The following RBFOX3 variants were observed in gnomAD, a reference collection of about 807,000 sequenced individuals.
The protein encoded by RBFOX3 is RNA binding protein fox-1 homolog 3.
RBFOX3 carries 17 observed loss-of-function variants against 48.7 expected under a neutral mutation model. The observed-to-expected ratio is 0.35, with a 90% CI of 0.24 to 0.52. RBFOX3 has a LOEUF of 0.52. Ranked by LOEUF, RBFOX3 falls within the 20% of genes least tolerant of loss-of-function variation. The probability of loss-of-function intolerance (pLI) is 0.94; values close to 1 mark genes in which losing one functional copy is unlikely to be tolerated. For synonymous variants in RBFOX3, 212 were observed against 209.5 expected, an observed-to-expected ratio of 1.01 and a Z score of -0.10; for missense variants, 382 against 497.5, an observed-to-expected ratio of 0.77 and a Z score of 2.21.
intron 4 of RBFOX3, among the ~76,000 whole-genome samples, chr17:79,133,779 TCCAGG>T (rs1555704571): frequency 6.6e-6 from 1 of 152,158 alleles, no homozygotes; most frequent in Non-Finnish European, 1.5e-5. Flanking sequence ...AAGAACATCA[TCCAGG>T]CCAAAGCTCC....
At chr17:79,365,350 T>C (rs557979761) in intron 2 of RBFOX3, among the ~76,000 whole-genome samples, 1 of 152,310 alleles carries the variant, frequency 6.6e-6, no homozygotes. Flanking sequence ...AACAAACTCC[T>C]AAATGAAAAT....
Position 79,137,585 on chromosome 17 carries a change from G to GC in RBFOX3, c.-33-21838dup, listed in dbSNP as rs1254469864. ...GACTTGGGCTTGCCCTCCACTGCCTGCCCCCCGGGGCCTGAGCGCCTCCTT... is the reference window on the plus strand; with the variant it reads ...GACTTGGGCTTGCCCTCCACTGCCTGCCCCCCCGGGGCCTGAGCGCCTCCTT... On this transcript the variant is annotated intron_variant, in intron 4 of 14. Transcript: ENST00000693108. 3.3e-5 allele frequency among the ~76,000 whole-genome samples: 5 copies of GC among 152,144 alleles called. No individual in the cohort carries two copies. The South Asian group carries it at 6.2e-4, about 19-fold the overall frequency.
At chr17:79,463,636 C>T (rs541417050) in intron 2 of RBFOX3, among the ~76,000 whole-genome samples, 588 of 150,656 alleles carry the variant, frequency 3.9e-3, no homozygotes, top group African/African-American at 0.014. Context: ...CCGCCACTGC[C>T]ACCGCCACCT....
chr17:79,494,318 A>C (rs1465564878), intron 1 of RBFOX3, among the ~76,000 whole-genome samples: 12 of 152,182 alleles, frequency 7.9e-5, no homozygotes, highest in African/African-American at 2.9e-4. Context: ...GTAAGGGGTG[A>C]GGCCTGAAGG....
intron 2 of RBFOX3, among the ~76,000 whole-genome samples, chr17:79,468,644 T>A (rs2076632603): frequency 6.7e-6 from 1 of 148,152 alleles, no homozygotes; most frequent in African/African-American, 2.5e-5. Context: ...GACAGAAGGA[T>A]GGATGGATGA....
At chr17:79,433,901 G>T (rs782437537) in intron 2 of RBFOX3, among the ~76,000 whole-genome samples, 4 of 152,102 alleles carry the variant, frequency 2.6e-5, no homozygotes. Context: ...TTGTTTTAAG[G>T]GTGTTTCTAT....
intron 2 of RBFOX3, among the ~76,000 whole-genome samples, chr17:79,459,129 C>T (rs569717038): frequency 8.3e-4 from 127 of 152,330 alleles, no homozygotes; most frequent in Non-Finnish European, 1.1e-3. Context: ...CAGCCTGCTG[C>T]TCCCAAGAGT....
rs182593386 is a variant in RBFOX3 at position 79,101,153 on chromosome 17, C to T, written c.568+431G>A. Among the ~76,000 whole-genome samples, 44 of 152,270 alleles carry T rather than the reference C, an allele frequency of 2.9e-4. 1 individual carries two copies. In the East Asian group the frequency reaches 7.3e-3, roughly 25 times the overall value. On this transcript the variant is annotated intron_variant, in intron 9 of 14. Coordinates refer to ENST00000693108, the MANE Select transcript of RBFOX3 (RefSeq NM_001350451.2). ...AGAGGTCTAGAAGCTCATCCAAGGC[C>T]CCCCGTGCCCTCACTGCCCTCCCTG...
At chr17:79,211,813 C>A (rs1170625930) in intron 4 of RBFOX3, among the ~76,000 whole-genome samples, 2 of 152,228 alleles carry the variant, frequency 1.3e-5, no homozygotes, top group African/African-American at 2.4e-5. Flanking sequence ...CTCAAAGCAA[C>A]CACAACGCTT....
intron 3 of RBFOX3, among the ~76,000 whole-genome samples, chr17:79,239,476 C>G (rs1248527631): frequency 6.6e-6 from 1 of 152,222 alleles, no homozygotes; most frequent in Non-Finnish European, 1.5e-5. Flanking sequence ...CACATGCAGT[C>G]ACACCCTTCA....
chr17:79,435,149 C>G (rs2069165301), intron 2 of RBFOX3, among the ~76,000 whole-genome samples: 1 of 152,092 alleles, frequency 6.6e-6, no homozygotes, highest in Non-Finnish European at 1.5e-5. Flanking sequence ...GCGTGTCTGC[C>G]CCCCACCTCC....
the RBFOX3 span, among the ~76,000 whole-genome samples, chr17:79,620,173 ATGC>A: frequency 1.4e-5 from 2 of 145,938 alleles, no homozygotes; most frequent in East Asian, 4.2e-4. Flanking sequence ...ATGCACACAC[ATGC>A]ACACACATGT....
chr17:79,366,890 C>G (rs564269753), intron 2 of RBFOX3, among the ~76,000 whole-genome samples: 41 of 152,324 alleles, frequency 2.7e-4, no homozygotes, highest in African/African-American at 9.6e-4. Flanking sequence ...TCAGCTGAGT[C>G]CCTCCCAGAG....
chr17:79,427,391 T>G (rs1598644195), intron 2 of RBFOX3, among the ~76,000 whole-genome samples: 1 of 152,214 alleles, frequency 6.6e-6, no homozygotes, highest in Non-Finnish European at 1.5e-5. Flanking sequence ...GAAGCACCCC[T>G]GTCTCTGAGG....
At chr17:79,233,420 C>A (rs2061261253) in intron 4 of RBFOX3, among the ~76,000 whole-genome samples, 3 of 152,110 alleles carry the variant, frequency 2.0e-5, no homozygotes, top group Admixed American at 1.3e-4. Flanking sequence ...TGAATACATC[C>A]ATTATCTTGA....
chr17:79,513,291 G>GATATA (rs2084761904), intron 1 of RBFOX3, among the ~76,000 whole-genome samples: 1 of 152,128 alleles, frequency 6.6e-6, no homozygotes, highest in East Asian at 1.9e-4. Context: ...GTCACCATTG[G>GATATA]GCACGGTCCC....
chr17:79,115,244 C>T (rs1005902719), intron 5 of RBFOX3, among the ~76,000 whole-genome samples: 2 of 152,242 alleles, frequency 1.3e-5, no homozygotes, highest in Non-Finnish European at 2.9e-5. Flanking sequence ...GGTGCCCGGC[C>T]ATTCCTCCAG....
chr17:79,200,332 A>G (rs2146800704), intron 4 of RBFOX3, among the ~76,000 whole-genome samples: 1 of 152,354 alleles, frequency 6.6e-6, no homozygotes, highest in East Asian at 1.9e-4. Context: ...AGGGAGTCAG[A>G]AGGTGGGGCT....
chr17:79,454,617 C>A (rs1009600495), intron 2 of RBFOX3, among the ~76,000 whole-genome samples: 1 of 152,186 alleles, frequency 6.6e-6, no homozygotes, highest in African/African-American at 2.4e-5. Flanking sequence ...TCATACCGTC[C>A]GGCCCTGTGC....
Sources: allele counts gnomAD v4.1 joint callset (sites outside exome capture counted in the v4.1 genomes callset), GRCh38; gene constraint gnomAD v4.1.1; transcripts MANE v1.5; gene names NCBI Gene and HGNC (gene_info 2026-07-23, HGNC 2026-07-21).